Variants in SPTBN4 observed in about 807,000 individuals in gnomAD.
SPTBN4 encodes the protein spectrin beta, non-erythrocytic 4, also known as spectrin beta chain, non-erythrocytic 4.
SPTBN4 carries 96 observed loss-of-function variants against 277.8 expected under a neutral mutation model. The ratio of observed to expected loss-of-function variants is 0.35; its 90% CI spans 0.29 to 0.41. The LOEUF (loss-of-function observed/expected upper bound fraction) is 0.41. Ranked by LOEUF, SPTBN4 falls within the 10% of genes least tolerant of loss-of-function variation. SPTBN4 has a pLI of 1.00. For missense variants in SPTBN4, 3,006 were observed against 3,595.7 expected, an observed-to-expected ratio of 0.84 and a Z score of 4.19; for synonymous variants, 1,481 against 1,580.3, an observed-to-expected ratio of 0.94 and a Z score of 1.49.
intron 3 of SPTBN4, among the ~76,000 whole-genome samples, chr19:40,488,538 C>G (rs1384377095): frequency 6.6e-6 from 1 of 152,182 alleles, no homozygotes; most frequent in Non-Finnish European, 1.5e-5. Flanking sequence ...TGCCTGTAAT[C>G]TCAGCACTTT....
chr19:40,496,123 G>T (rs531506930), intron 6 of SPTBN4, among the ~76,000 whole-genome samples: 2 of 152,116 alleles, frequency 1.3e-5, no homozygotes, highest in Non-Finnish European at 1.5e-5. Flanking sequence ...CAGTGTGTCC[G>T]ATCCACCTAT....
At position 40,519,723 on chromosome 19, in the gene SPTBN4, G is replaced by T. The variant is rs1377756091; in HGVS notation, c.3226G>T (p.Ala1076Ser). The T allele has an allele frequency of 7.2e-7, 1 of 1,397,926 alleles. No individual in the cohort carries two copies. Among genetic ancestry groups the T allele is most frequent in the South Asian group, 1.6e-5 (1 of 62,534 alleles). The allele number at this position is 1,397,926 out of a possible 1,614,324, so 86.6% of individuals were successfully genotyped here. ...LGAEWGALASAAQACGEAVAA... is the reference protein window; with the variant it reads ...LGAEWGALASSAQACGEAVAA... ...CGCCGAGTGGGGCGCGCTAGCTAGC[G>T]CGGCTCAGGCCTGCGGCGAGGCGGT... The change falls in exon 16 of 36, where the codon GCG becomes TCG. Residue 1076 changes from alanine (A) to serine (S), a missense_variant. Physicochemically the swap from Ala to Ser is moderately conservative, Grantham distance 99. Transcript: ENST00000598249. This position sits in a 1 kb window ranked among gnomAD's most constrained non-coding sequence, Gnocchi z 5.7.
intron 1 of SPTBN4, among the ~76,000 whole-genome samples, chr19:40,470,295 G>A (rs147777894): frequency 0.049 from 7,478 of 151,764 alleles, 221 homozygotes; most frequent in African/African-American, 0.064. Context: ...CACCGTGCCC[G>A]GCCTATTTTT....
intron 2 of SPTBN4, among the ~76,000 whole-genome samples, chr19:40,482,658 G>A (rs761323364): frequency 6.6e-6 from 1 of 152,148 alleles, no homozygotes; most frequent in Non-Finnish European, 1.5e-5. Context: ...CGCAGTCGGG[G>A]TGCAACCAAA....
In SPTBN4 at chr19:40,575,757, A is replaced by G. The variant is rs2081196597; in HGVS notation, c.*188A>G. The G allele has an allele frequency of 7.5e-6, 5 of 669,446 alleles. No individual in the cohort carries two copies. The highest frequency in any genetic ancestry group is 7.4e-5 in the South Asian group (3 of 40,596). 41.5% of individuals were successfully genotyped at this position (669,446 alleles called of 1,614,324 possible). ...AAGTGGTGGGGAGATTGCTGCCCCTATAGCCATATCTCGGCCCCTTCCCAC... is the reference window on the plus strand; with the variant it reads ...AAGTGGTGGGGAGATTGCTGCCCCTGTAGCCATATCTCGGCCCCTTCCCAC... On this transcript the variant is annotated 3_prime_UTR_variant, in exon 36 of 36. Transcript: ENST00000598249.
chr19:40,559,289 A>G (rs1568375854), intron 26 of SPTBN4, among the ~76,000 whole-genome samples: 1 of 152,152 alleles, frequency 6.6e-6, no homozygotes, highest in Non-Finnish European at 1.5e-5. Flanking sequence ...ATTCATAGTA[A>G]TAAGTGGTGG....
Position 40,550,260 on chromosome 19 carries a change from C to T in SPTBN4, c.4607C>T (p.Pro1536Leu), listed in dbSNP as rs768077992. The T allele has an allele frequency of 1.2e-6, 2 of 1,613,522 alleles. 1 individual carries two copies. Among genetic ancestry groups the T allele is most frequent in the South Asian group, 2.2e-5 (2 of 91,078 alleles). ...DELAWVQERL[P>L]LAMQTERGNG... The stretch of plus-strand genomic sequence containing the variant: ...CAGGCATGGGTTCAGGAGCGGCTGC[C>T]ACTGGCCATGCAGACAGAGCGAGGC... Residue 1536 changes from proline (P) to leucine (L), a missense_variant, in exon 22 of 36, where the codon CCA (proline) becomes CTA (leucine). Around this residue, in one of 5 missense-constraint regions of SPTBN4, gnomAD observed 1,759 missense variants for 2,061.5 expected, o/e 0.85. Transcript: ENST00000598249.
intron 2 of SPTBN4, among the ~76,000 whole-genome samples, chr19:40,483,678 A>G (rs2080037364): frequency 6.6e-6 from 1 of 152,188 alleles, no homozygotes; most frequent in African/African-American, 2.4e-5. Context: ...AAGTGATGGC[A>G]GAAAAGATGC....
chr19:40,515,394 G>A lies in SPTBN4; in HGVS notation c.2849G>A (p.Gly950Glu). ...CACACAGTCCAGGAGCTGGTGGAAGGAGGCCACCCCAGTTCAGATGAGGTG... is the reference window on the plus strand; with the variant it reads ...CACACAGTCCAGGAGCTGGTGGAAGAAGGCCACCCCAGTTCAGATGAGGTG... ...VNHTVQELVEGGHPSSDEVRS... is the reference protein window; with the variant it reads ...VNHTVQELVEEGHPSSDEVRS... Residue 950 changes from glycine to glutamate, a missense_variant, in exon 15 of 36, where the codon GGA (glycine) becomes GAA (glutamate). Around this residue, in one of 5 missense-constraint regions of SPTBN4, gnomAD observed 1,759 missense variants for 2,061.5 expected, o/e 0.85. Coordinates refer to ENST00000598249, the MANE Select transcript of SPTBN4 (RefSeq NM_020971.3). The surrounding 1 kb of genome is among the most constrained non-coding windows in gnomAD (Gnocchi z 4.1). The A allele has an allele frequency of 6.3e-7, 1 of 1,598,184 alleles. No individual in the cohort carries two copies. Among genetic ancestry groups the A allele is most frequent in the African/African-American group, 1.3e-5 (1 of 74,880 alleles).
chr19:40,549,277 AGGAGCT>A lies in SPTBN4; in HGVS notation c.4451_4456del (p.Glu1484_Leu1485del). 1 of 1,545,298 alleles carries A rather than the reference AGGAGCT, an allele frequency of 6.5e-7. No individual in the cohort carries two copies. Among genetic ancestry groups the A allele is most frequent in the Non-Finnish European group, 8.7e-7 (1 of 1,146,624 alleles). ...GCGCTGCCGCTGGAGCCGGCGAGCA[AGGAGCT>A]GGTGGGTGAGCGGCAGAACGCGGTG... On this transcript the variant is annotated inframe_deletion, in exon 21 of 36. Transcript: ENST00000598249.
intron 12 of SPTBN4, among the ~76,000 whole-genome samples, chr19:40,505,494 C>G (rs1365523304): frequency 6.6e-6 from 1 of 151,604 alleles, no homozygotes; most frequent in African/African-American, 2.4e-5. Flanking sequence ...GAGTTCAAGA[C>G]CAGCCTGGCC....
chr19:40,491,860 T>A (rs929987933), intron 4 of SPTBN4, among the ~76,000 whole-genome samples: 2 of 149,776 alleles, frequency 1.3e-5, no homozygotes, highest in African/African-American at 4.9e-5. Flanking sequence ...CTATCTCTAC[T>A]AAAAATACCA....
chr19:40,536,069 C>T (rs187960103), intron 20 of SPTBN4, among the ~76,000 whole-genome samples: 18 of 152,262 alleles, frequency 1.2e-4, no homozygotes, highest in African/African-American at 4.1e-4. Context: ...ACTGCCTTCA[C>T]GGTGATCCCA....
In SPTBN4 at chr19:40,554,070, T is replaced by C; in HGVS notation, c.4675-77T>C. ...TTAATTGCCCCGTGGGCCGTGCCAG[T>C]AGCAGAGGAGCGTGTGGTCTTGCAG... On this transcript the variant is annotated intron_variant, in intron 22 of 35. Coordinates refer to ENST00000598249, the MANE Select transcript of SPTBN4 (RefSeq NM_020971.3). This position sits in a 1 kb window ranked among gnomAD's most constrained non-coding sequence, Gnocchi z 5.7. 1 of 1,342,370 alleles carries C rather than the reference T, an allele frequency of 7.4e-7. No homozygotes were observed. Among genetic ancestry groups the C allele is most frequent in the Non-Finnish European group, 9.6e-7 (1 of 1,042,334 alleles). 83.2% of individuals were successfully genotyped at this position (1,342,370 alleles called of 1,614,324 possible). A position where few individuals can be genotyped will look rare whatever the true frequency, so the allele number is the denominator to read the frequency against.
chr19:40,498,564 C>T (rs1186657898), intron 7 of SPTBN4, among the ~76,000 whole-genome samples: 1 of 151,312 alleles, frequency 6.6e-6, no homozygotes, highest in African/African-American at 2.4e-5. Context: ...CGCCACCACG[C>T]CCGGCTAATT....
At chr19:40,557,951 G>T in intron 26 of SPTBN4, among the ~76,000 whole-genome samples, 1 of 144,010 alleles carries the variant, frequency 6.9e-6, no homozygotes, top group Admixed American at 7.0e-5. Context: ...GCTTCCAATA[G>T]ATATTGGGCA....
intron 17 of SPTBN4, chr19:40,524,481 T>C: frequency 2.4e-6 from 1 of 425,362 alleles, no homozygotes; most frequent in South Asian, 1.7e-5. Context: ...CAGTCCAGCC[T>C]GGATGACACA....
At chr19:40,529,175 T>G in intron 18 of SPTBN4, 44 bp downstream of exon 18, 1 of 1,560,710 alleles carries the variant, frequency 6.4e-7, no homozygotes, top group Non-Finnish European at 8.8e-7. Context: ...TCCCCTTTAG[T>G]CGGGAGGGAA....
At chr19:40,529,255 G>A (rs2080633084) in intron 18 of SPTBN4, 124 bp downstream of exon 18, 4 of 893,436 alleles carry the variant, frequency 4.5e-6, no homozygotes, top group South Asian at 1.5e-5. Flanking sequence ...CTCGCTCTAA[G>A]CCGCCAGGGG....
Sources: gnomAD v4.1 joint callset for allele counts (sites outside exome capture counted in the v4.1 genomes callset) on GRCh38, gnomAD v4.1.1 for gene constraint, gnomAD v4.1.1 regional missense constraint, Gnocchi (gnomAD v3.1) non-coding constraint, MANE v1.5 for transcripts, NCBI Gene and HGNC (gene_info 2026-07-23, HGNC 2026-07-21) for gene names.